Variants in TENT2 observed in about 807,000 individuals in gnomAD.
The protein encoded by TENT2 is poly(A) RNA polymerase GLD2.
A neutral mutation model predicts 72.2 loss-of-function variants in TENT2; 44 were observed. The observed-to-expected ratio is 0.61, with a 90% confidence interval of 0.48 to 0.78. The LOEUF is 0.78. Among genes scored for constraint, TENT2 ranks in the 30% least tolerant of loss-of-function variants. The pLI, the probability that TENT2 is intolerant of heterozygous loss-of-function variation, is 0.00. For synonymous variants in TENT2, 212 were observed against 192.5 expected (o/e 1.10, Z -0.84); for missense variants, 541 against 569.6 (o/e 0.95, Z 0.51).
intron 10 of TENT2, among the ~76,000 whole-genome samples, chr5:79,653,773 T>A (rs2150237232): frequency 6.6e-6 from 1 of 152,276 alleles, no homozygotes; most frequent in African/African-American, 2.4e-5. Context: ...ATCACATTAC[T>A]GTGAGGGAAA....
intron 11 of TENT2, chr5:79,668,592 G>C (rs993335860): frequency 8.3e-6 from 2 of 241,292 alleles, no homozygotes; most frequent in African/African-American, 2.2e-5. Context: ...GGTAGATCTT[G>C]GTTTGTATAG....
chr5:79,662,116 CTACTT>C (rs983738552), intron 11 of TENT2, among the ~76,000 whole-genome samples: 2 of 152,204 alleles, frequency 1.3e-5, no homozygotes, highest in Non-Finnish European at 2.9e-5. Flanking sequence ...TCTCAAGAAA[CTACTT>C]TTCTTTGCTC....
intron 6 of TENT2, among the ~76,000 whole-genome samples, chr5:79,641,398 T>A (rs1404655741): frequency 6.6e-6 from 1 of 151,856 alleles, no homozygotes; most frequent in Non-Finnish European, 1.5e-5. Flanking sequence ...TAGCATTAAT[T>A]TAATTCTAAG....
intron 8 of TENT2, 148 bp downstream of exon 8, chr5:79,645,340 G>T: frequency 1.5e-6 from 1 of 670,848 alleles, no homozygotes; most frequent in Non-Finnish European, 2.4e-6. Context: ...GTTTGAAATG[G>T]TTTTTTAAAA....
intron 10 of TENT2, among the ~76,000 whole-genome samples, chr5:79,650,817 A>C (rs1283339209): frequency 6.6e-6 from 1 of 152,044 alleles, no homozygotes; most frequent in Non-Finnish European, 1.5e-5. Flanking sequence ...ACCCAAATTG[A>C]GAATTTCTTT....
chr5:79,623,146 A>G, intron 3 of TENT2, 106 bp from the exon 4 acceptor site: 4 of 772,134 alleles, frequency 5.2e-6, no homozygotes, highest in Non-Finnish European at 7.9e-6. Context: ...TATTGAAAGA[A>G]TCATATTGTC....
intron 14 of TENT2, among the ~76,000 whole-genome samples, chr5:79,683,559 G>A (rs1427210626): frequency 6.6e-6 from 1 of 152,004 alleles, no homozygotes; most frequent in African/African-American, 2.4e-5. Flanking sequence ...TCTATTACAA[G>A]CTGTCGTTCA....
chr5:79,661,817 T>C (rs1803130623), intron 11 of TENT2, among the ~76,000 whole-genome samples: 1 of 152,160 alleles, frequency 6.6e-6, no homozygotes, highest in African/African-American at 2.4e-5. Flanking sequence ...ATTGATTGAT[T>C]CTTCTTCAAA....
intron 11 of TENT2, among the ~76,000 whole-genome samples, chr5:79,664,781 T>C (rs1270233198): frequency 4.6e-5 from 7 of 152,128 alleles, no homozygotes; most frequent in East Asian, 3.8e-4. Context: ...AATAATGATA[T>C]GTGGCATATA....
rs566170576 is a variant in TENT2, at chr5:79,625,464, G to A, written c.465+1975G>A. On this transcript the variant is annotated intron_variant, in intron 4 of 14. Coordinates refer to ENST00000453514, the MANE Select transcript of TENT2 (RefSeq NM_001114394.3). ...GTTGTGCTTTTGGTGTCATATCTAAGAAACCATTGTTAAAGGTCACAGAGA... is the reference window on the plus strand; with the variant it reads ...GTTGTGCTTTTGGTGTCATATCTAAAAAACCATTGTTAAAGGTCACAGAGA... Among the ~76,000 whole-genome samples the A allele has an allele frequency of 3.3e-5, 5 of 152,210 alleles. No individual in the cohort carries two copies. The South Asian group carries it at 8.3e-4, about 25-fold the overall frequency.
intron 4 of TENT2, among the ~76,000 whole-genome samples, chr5:79,623,920 A>C (rs189709035): frequency 2.0e-5 from 3 of 152,340 alleles, no homozygotes; most frequent in East Asian, 3.8e-4. Context: ...CAATACATTC[A>C]AAGTGATATA....
intron 12 of TENT2, among the ~76,000 whole-genome samples, chr5:79,669,285 T>C (rs1350110402): frequency 1.3e-5 from 2 of 152,214 alleles, no homozygotes; most frequent in African/African-American, 4.8e-5. Context: ...CCAGTTTTAG[T>C]TGATTTCAAT....
chr5:79,648,312 A>C (rs1460183664), intron 8 of TENT2, among the ~76,000 whole-genome samples: 1 of 152,138 alleles, frequency 6.6e-6, no homozygotes, highest in Non-Finnish European at 1.5e-5. Flanking sequence ...CATCTCTTTA[A>C]AGAAAAAAAA....
intron 1 of TENT2, among the ~76,000 whole-genome samples, chr5:79,617,924 C>CT (rs1761633223): frequency 6.6e-6 from 1 of 152,008 alleles, no homozygotes; most frequent in Non-Finnish European, 1.5e-5. Flanking sequence ...TGACATGTAA[C>CT]TTTTTTACTG....
chr5:79,628,274 G>T (rs1340252769), intron 4 of TENT2, among the ~76,000 whole-genome samples: 1 of 152,210 alleles, frequency 6.6e-6, no homozygotes, highest in Non-Finnish European at 1.5e-5. Context: ...GAGATAAAGT[G>T]GGGCAGTGGT....
At chr5:79,669,871 C>T (rs990193476) in intron 12 of TENT2, among the ~76,000 whole-genome samples, 1 of 151,830 alleles carries the variant, frequency 6.6e-6, no homozygotes, top group African/African-American at 2.4e-5. Flanking sequence ...ATATTATGCC[C>T]ATTTTACCAG....
chr5:79,669,566 T>C (rs1811273230), intron 12 of TENT2, among the ~76,000 whole-genome samples: 1 of 152,118 alleles, frequency 6.6e-6, no homozygotes, highest in South Asian at 2.1e-4. Context: ...AAAGTTCTTA[T>C]GTGAGTTCTA....
chr5:79,673,668 A>G (rs986200929), intron 12 of TENT2, among the ~76,000 whole-genome samples: 1 of 152,138 alleles, frequency 6.6e-6, no homozygotes, highest in African/African-American at 2.4e-5. Context: ...TTTTTATGCC[A>G]GTCCCATGCT....
rs1825841782 is a variant in TENT2 at position 79,685,732 on chromosome 5, T to C, written c.*459T>C. ...AGATTCAAGTCAGTTGTTCAGTTACTTGAAGCAAAACGAAATCTTTCATTT... is the reference window on the plus strand; with the variant it reads ...AGATTCAAGTCAGTTGTTCAGTTACCTGAAGCAAAACGAAATCTTTCATTT... On this transcript the variant is annotated 3_prime_UTR_variant, in exon 15 of 15. Transcript: ENST00000453514. 6.5e-6 allele frequency: 1 copy of C among 154,132 alleles called. No homozygotes were observed. Among genetic ancestry groups the C allele is most frequent in the Non-Finnish European group, 1.4e-5 (1 of 69,202 alleles). The allele number at this position is 154,132 out of a possible 1,614,324, so 9.5% of individuals were successfully genotyped here.
Sources: gnomAD v4.1 joint callset for allele counts (sites outside exome capture counted in the v4.1 genomes callset) on GRCh38, gnomAD v4.1.1 for gene constraint, MANE v1.5 for transcripts, NCBI Gene and HGNC (gene_info 2026-07-23, HGNC 2026-07-21) for gene names.